LRP2: variants seen among roughly 807,000 people sequenced by gnomAD.
LRP2 encodes the protein low-density lipoprotein receptor-related protein 2.
In LRP2, 172 loss-of-function variants were observed where a neutral mutation model predicts 531.0. The ratio of observed to expected loss-of-function variants is 0.32; its 90% confidence interval spans 0.29 to 0.37. The LOEUF is 0.37. Among genes scored for constraint, LRP2 ranks in the 10% least tolerant of loss-of-function variants. The pLI is 1.00. For synonymous variants in LRP2, 1,992 were observed against 2,027.6 expected (o/e 0.98, Z 0.47); for missense variants, 5,167 against 5,868.3 (o/e 0.88, Z 3.90).
chr2:169,347,254 G>T (rs1300402729), intron 1 of LRP2, among the ~76,000 whole-genome samples: 1 of 152,174 alleles, frequency 6.6e-6, no homozygotes, highest in East Asian at 1.9e-4. Flanking sequence ...CCGAAGAACT[G>T]ACTTTAGTAA....
intron 77 of LRP2, among the ~76,000 whole-genome samples, chr2:169,131,944 A>C (rs1685305936): frequency 6.6e-6 from 1 of 152,224 alleles, no homozygotes; most frequent in Non-Finnish European, 1.5e-5. Context: ...TGCAGACCAA[A>C]TAGTGTACCA....
At chr2:169,310,133 T>C (rs1684551485) in intron 3 of LRP2, among the ~76,000 whole-genome samples, 2 of 152,178 alleles carry the variant, frequency 1.3e-5, no homozygotes, top group Non-Finnish European at 2.9e-5. Flanking sequence ...GCTGAGACGA[T>C]GGGGTTTTCT....
chr2:169,167,837 G>A (rs1274079355), intron 61 of LRP2, among the ~76,000 whole-genome samples: 1 of 150,986 alleles, frequency 6.6e-6, no homozygotes, highest in South Asian at 2.1e-4. Flanking sequence ...CTCAACCAGG[G>A]GACTAAACTA....
In LRP2 at chr2:169,162,498, C is replaced by T. The variant is rs1686625492; in HGVS notation, c.11861G>A (p.Gly3954Asp). The T allele has an allele frequency of 6.2e-7, 1 of 1,614,070 alleles. No homozygotes were observed. Among genetic ancestry groups the T allele is most frequent in the Non-Finnish European group, 8.5e-7 (1 of 1,180,028 alleles). The change falls in exon 63 of 79, where the codon GGT becomes GAT. Residue 3954 changes from glycine (G) to aspartate (D), a missense_variant. Transcript: ENST00000649046. ...GCAACCCAGTTCATCGGACCAGTCA[C>T]CACAGTCATCGGCATCATCACACAC... The part of the protein sequence containing the change: ...DNVCDDADDC[G>D]DWSDELGCNK...
chr2:169,267,546 T>A (rs904124871), intron 16 of LRP2, among the ~76,000 whole-genome samples: 6 of 152,180 alleles, frequency 3.9e-5, no homozygotes, highest in Non-Finnish European at 7.3e-5. Flanking sequence ...AAAGACGTTC[T>A]GTGAAACCAA....
At position 169,173,290 on chromosome 2, in the gene LRP2, T is replaced by C. The variant is rs17848190; in HGVS notation, c.11015-66A>G. ...AAGAAAGCACCTTTCCATTGTCACA[T>C]TGAGGTTGTGGTACTGAGGAATAAC... On this transcript the variant is annotated intron_variant, in intron 56 of 78. Coordinates refer to ENST00000649046, the MANE Select transcript of LRP2 (RefSeq NM_004525.3). 0.19 allele frequency: 308,249 copies of C among 1,597,458 alleles called. 31,303 individuals are homozygous for C. The highest frequency in any genetic ancestry group is 0.32 in the East Asian group (14,333 of 44,726).
chr2:169,174,516 T>G lies in LRP2; in HGVS notation c.10769-352A>C, dbSNP rs113050900. Among the ~76,000 whole-genome samples, 29 of 152,306 alleles carry G rather than the reference T, an allele frequency of 1.9e-4. 1 individual carries two copies. The highest frequency in any genetic ancestry group is 3.1e-4 in the African/African-American group (13 of 41,582). On this transcript the variant is annotated intron_variant, in intron 55 of 78. Coordinates refer to ENST00000649046, the MANE Select transcript of LRP2 (RefSeq NM_004525.3). ...TGTTTTTAGTTTGGGGGAATTTTAT[T>G]TTGTGCCTATTTGATTATTTATTTA...
At chr2:169,353,282 A>G (rs1685902026) in intron 1 of LRP2, among the ~76,000 whole-genome samples, 1 of 152,198 alleles carries the variant, frequency 6.6e-6, no homozygotes, top group African/African-American at 2.4e-5. Context: ...CCCCCTGGAT[A>G]GGATCAAGGA....
At chr2:169,197,495 T>C (rs1199583731) in intron 45 of LRP2, among the ~76,000 whole-genome samples, 1 of 152,254 alleles carries the variant, frequency 6.6e-6, no homozygotes, top group Non-Finnish European at 1.5e-5. Context: ...GTTATCTTCG[T>C]ATTCATCCTT....
intron 40 of LRP2, 58 bp downstream of exon 40, chr2:169,205,965 G>A: frequency 6.3e-7 from 1 of 1,599,136 alleles, no homozygotes; most frequent in Non-Finnish European, 8.6e-7. Context: ...ATAATTTCAG[G>A]CCCCATTTTT....
chr2:169,235,690 A>T, intron 29 of LRP2, 150 bp downstream of exon 29: 1 of 695,336 alleles, frequency 1.4e-6, no homozygotes, highest in Non-Finnish European at 2.6e-6. Flanking sequence ...CATATGGGAT[A>T]GACTGCCTCT....
chr2:169,360,128 CAAAA>C (rs67818940), intron 1 of LRP2, among the ~76,000 whole-genome samples: 1 of 105,034 alleles, frequency 9.5e-6, no homozygotes, highest in Admixed American at 9.6e-5. Context: ...CTGTCTCTCT[CAAAA>C]AAAAAAAAAA....
Position 169,152,939 on chromosome 2 carries a change from C to G in LRP2, c.12321G>C (p.Gly4107=). 6.2e-7 allele frequency: 1 copy of G among 1,613,964 alleles called. No homozygotes were observed. Among genetic ancestry groups the G allele is most frequent in the Non-Finnish European group, 8.5e-7 (1 of 1,179,940 alleles). Reference sequence around the variant, plus strand: ...TGATAGCACCAAACCTAGAGCCCTCCCCTCGCACAGTGTAATACACAACAC... The same window carrying G: ...TGATAGCACCAAACCTAGAGCCCTCGCCTCGCACAGTGTAATACACAACAC... ...GLSVVYYTVR[G]EGSRFGAIKR... The change falls in exon 67 of 79, where the codon GGG becomes GGC. Residue 4107 remains glycine (G), a synonymous_variant. Transcript: ENST00000649046.
At chr2:169,327,597 T>C (rs1489416220) in intron 1 of LRP2, among the ~76,000 whole-genome samples, 75 of 98,476 alleles carry the variant, frequency 7.6e-4, no homozygotes, top group Middle Eastern at 8.9e-3. Flanking sequence ...TCTGCCCAGC[T>C]GCCCCTACTG....
At chr2:169,143,030 A>G (rs1470771241) in intron 70 of LRP2, among the ~76,000 whole-genome samples, 1 of 152,034 alleles carries the variant, frequency 6.6e-6, no homozygotes, top group African/African-American at 2.4e-5. Flanking sequence ...CACATTTTCT[A>G]TTGGCATCAC....
intron 3 of LRP2, among the ~76,000 whole-genome samples, chr2:169,310,800 G>T (rs1481009797): frequency 6.6e-6 from 1 of 152,124 alleles, no homozygotes; most frequent in Middle Eastern, 3.2e-3. Context: ...TTGTACCTCT[G>T]GTAGAATTCG....
At chr2:169,348,529 G>T (rs1685757041) in intron 1 of LRP2, among the ~76,000 whole-genome samples, 1 of 152,134 alleles carries the variant, frequency 6.6e-6, no homozygotes, top group Non-Finnish European at 1.5e-5. Flanking sequence ...CCTTTTGTTT[G>T]ATCAAGGCTG....
chr2:169,311,670 T>C (rs1559069887), intron 3 of LRP2, among the ~76,000 whole-genome samples: 1 of 152,210 alleles, frequency 6.6e-6, no homozygotes, highest in Non-Finnish European at 1.5e-5. Flanking sequence ...GAGGAATGTA[T>C]ATTCTGTTGA....
At chr2:169,302,768 C>CA (rs1487710252) in intron 4 of LRP2, among the ~76,000 whole-genome samples, 1 of 150,676 alleles carries the variant, frequency 6.6e-6, no homozygotes, top group Non-Finnish European at 1.5e-5. Flanking sequence ...AAGTAAATTG[C>CA]AAGGGGTAAA....
Sources: gnomAD v4.1 joint callset for allele counts (sites outside exome capture counted in the v4.1 genomes callset) on GRCh38, gnomAD v4.1.1 for gene constraint, MANE v1.5 for transcripts, NCBI Gene and HGNC (gene_info 2026-07-23, HGNC 2026-07-21) for gene names.